Variants in SH3BP4 observed in about 807,000 individuals in gnomAD.
The protein encoded by SH3BP4 is SH3 domain binding protein 4.
SH3BP4 carries 33 observed loss-of-function variants against 65.5 expected under a neutral mutation model. The observed-to-expected ratio is 0.50, with a 90% CI of 0.38 to 0.67. SH3BP4 has a LOEUF of 0.67. Ranked by LOEUF, SH3BP4 falls within the 30% of genes least tolerant of loss-of-function variation. The pLI, the probability that SH3BP4 is intolerant of heterozygous loss-of-function variation, is 0.00. For synonymous variants in SH3BP4, 552 were observed against 545.5 expected (o/e 1.01, Z -0.17); for missense variants, 1,134 against 1,261.4 (o/e 0.90, Z 1.53).
Position 235,053,148 on chromosome 2 carries a change from G to A in SH3BP4, c.2667+398G>A, listed in dbSNP as rs112644556. Among the ~76,000 whole-genome samples, 443 of 152,264 alleles carry A rather than the reference G, an allele frequency of 2.9e-3. 1 individual carries two copies. Among genetic ancestry groups the A allele is most frequent in the Non-Finnish European group, 4.6e-3 (312 of 68,024 alleles). On this transcript the variant is annotated intron_variant, in intron 5 of 5. Coordinates refer to ENST00000392011, the MANE Select transcript of SH3BP4 (RefSeq NM_014521.3). ...AACTTGGGCCAAAGCCGGTGTGGCC[G>A]GGCTCTTGCTCAGAGGTCCTTTGTG...
At chr2:234,982,671 G>C (rs1693423930) in intron 1 of SH3BP4, among the ~76,000 whole-genome samples, 1 of 152,140 alleles carries the variant, frequency 6.6e-6, no homozygotes, top group Non-Finnish European at 1.5e-5. Flanking sequence ...GGCAGGGAGG[G>C]GACCAAGGAG....
At chr2:235,016,974 CAG>C (rs1325228251) in intron 2 of SH3BP4, among the ~76,000 whole-genome samples, 2 of 150,802 alleles carry the variant, frequency 1.3e-5, no homozygotes, top group African/African-American at 2.4e-5. Flanking sequence ...ACAGGGAACA[CAG>C]AGAAAATTAC....
At chr2:235,051,824 C>T (rs1420639819) in intron 4 of SH3BP4, among the ~76,000 whole-genome samples, 8 of 152,208 alleles carry the variant, frequency 5.3e-5, no homozygotes, top group Non-Finnish European at 8.8e-5. Flanking sequence ...GCTCGCCCTC[C>T]ATCCGTCTCG....
At chr2:234,980,960 C>G (rs947255424) in intron 1 of SH3BP4, among the ~76,000 whole-genome samples, 1 of 152,130 alleles carries the variant, frequency 6.6e-6, no homozygotes, top group Non-Finnish European at 1.5e-5. Context: ...CGCACAAGCT[C>G]TGCCCACTGC....
In SH3BP4 at chr2:235,030,751, C is replaced by T. The variant is rs888041238; in HGVS notation, c.-132-4120C>T. On this transcript the variant is annotated intron_variant, in intron 2 of 5. Transcript: ENST00000392011. This position sits in a 1 kb window ranked among gnomAD's most constrained non-coding sequence, Gnocchi z 4.1. Reference sequence around the variant, plus strand: ...GGGATGCTGGCTGCATTCTCCATCCCGTGCCAGCCCCCTGTAGATGCAGTG... The same window carrying T: ...GGGATGCTGGCTGCATTCTCCATCCTGTGCCAGCCCCCTGTAGATGCAGTG... Among the ~76,000 whole-genome samples, 5 of 152,124 alleles carry T rather than the reference C, an allele frequency of 3.3e-5. No individual in the cohort carries two copies. Among genetic ancestry groups the T allele is most frequent in the African/African-American group, 9.7e-5 (4 of 41,404 alleles).
chr2:234,986,204 C>T (rs1693556217), intron 1 of SH3BP4, among the ~76,000 whole-genome samples: 1 of 152,070 alleles, frequency 6.6e-6, no homozygotes, highest in Non-Finnish European at 1.5e-5. Flanking sequence ...CATGAGGAGG[C>T]CCAGTCATTC....
In SH3BP4 at chr2:234,992,137, T is replaced by C. The variant is rs551321770; in HGVS notation, c.-206-3166T>C. Among the ~76,000 whole-genome samples, 178 of 152,322 alleles carry C rather than the reference T, an allele frequency of 1.2e-3. 1 individual carries two copies. Among genetic ancestry groups the C allele is most frequent in the Non-Finnish European group, 2.2e-3 (147 of 68,034 alleles). On this transcript the variant is annotated intron_variant, in intron 1 of 5. Coordinates refer to ENST00000392011, the MANE Select transcript of SH3BP4 (RefSeq NM_014521.3). The stretch of plus-strand genomic sequence containing the variant: ...CTGAAAGCCACAGTGACGGAGGGTG[T>C]TGTCAGCGCAGCCTCTCTTTAAATA...
At chr2:235,053,079 T>A (rs1001013830) in intron 5 of SH3BP4, among the ~76,000 whole-genome samples, 3 of 152,228 alleles carry the variant, frequency 2.0e-5, no homozygotes, top group Non-Finnish European at 4.4e-5. Context: ...CACAGAGGAC[T>A]TTGTGAGCCG....
chr2:234,994,970 A>ATGCC (rs1314519074), intron 1 of SH3BP4: 1 of 152,272 alleles, frequency 6.6e-6, no homozygotes, highest in African/African-American at 2.4e-5. Flanking sequence ...GGTGAGGGGC[A>ATGCC]GGCTTTGTTA....
In SH3BP4 at chr2:235,042,322, C is replaced by T. The variant is rs140233310; in HGVS notation, c.1553C>T (p.Pro518Leu). ...EVTRQAPNPA[P>L]VALQLWGKHQ... is the part of the protein sequence containing the mutation. ...ACACGCCAGGCACCCAACCCTGCCC[C>T]GGTGGCCCTGCAGCTGTGGGGGAAG... The change falls in exon 4 of 6, where the codon CCG (proline) becomes CTG (leucine). Residue 518 changes from proline to leucine, a missense_variant. Transcript: ENST00000392011. The surrounding 1 kb of genome is among the most constrained non-coding windows in gnomAD (Gnocchi z 7.3). 51 of 1,614,050 alleles carry T rather than the reference C, an allele frequency of 3.2e-5. No individual in the cohort carries two copies. The highest frequency in any genetic ancestry group is 5.3e-5 in the African/African-American group (4 of 74,914).
rs1574837790 is a variant in SH3BP4, at chr2:235,034,896, C to G, written c.-107C>G. On this transcript the variant is annotated 5_prime_UTR_variant, in exon 3 of 6. Coordinates refer to ENST00000392011, the MANE Select transcript of SH3BP4 (RefSeq NM_014521.3). This position sits in a 1 kb window ranked among gnomAD's most constrained non-coding sequence, Gnocchi z 6.2. ...GAAGAAACATATTGCCGAGTGGATGCCGCCGCGCAGCGTGTTTGCTTGAGG... is the reference window on the plus strand; with the variant it reads ...GAAGAAACATATTGCCGAGTGGATGGCGCCGCGCAGCGTGTTTGCTTGAGG... 4 of 892,898 alleles carry G rather than the reference C, an allele frequency of 4.5e-6. No individual in the cohort carries two copies. The highest frequency in any genetic ancestry group is 1.7e-5 in the African/African-American group (1 of 60,016). The allele number at this position is 892,898 out of a possible 1,614,324, so 55.3% of individuals were successfully genotyped here. A position where few individuals can be genotyped will look rare whatever the true frequency, so the allele number is the denominator to read the frequency against.
At position 235,034,818 on chromosome 2, in the gene SH3BP4, G is replaced by C. The variant is rs1365714900; in HGVS notation, c.-132-53G>C. The C allele has an allele frequency of 1.2e-5, 7 of 585,696 alleles. No individual in the cohort carries two copies. The highest frequency in any genetic ancestry group is 2.1e-5 in the Non-Finnish European group (7 of 329,072). 36.3% of individuals were successfully genotyped at this position (585,696 alleles called of 1,614,324 possible). A position where few individuals can be genotyped will look rare whatever the true frequency, so the allele number is the denominator to read the frequency against. ...TCCCACTTCCCATAAAATTACCATT[G>C]AACCCATGTTTCGCTTGCTTAAGGG... is the stretch of plus-strand genomic sequence containing the variant. On this transcript the variant is annotated intron_variant, in intron 2 of 5. Coordinates refer to ENST00000392011, the MANE Select transcript of SH3BP4 (RefSeq NM_014521.3). The surrounding 1 kb of genome is among the most constrained non-coding windows in gnomAD (Gnocchi z 6.2).
chr2:234,960,169 A>G (rs187040778), intron 1 of SH3BP4, among the ~76,000 whole-genome samples: 1 of 152,354 alleles, frequency 6.6e-6, no homozygotes, highest in African/African-American at 2.4e-5. Flanking sequence ...ACTTACACAT[A>G]ATTCATGTAG....
In SH3BP4 at chr2:234,991,348, T is replaced by C. The variant is rs531693629; in HGVS notation, c.-206-3955T>C. Reference sequence around the variant, plus strand: ...CATCAGCTGAGACTGTCAACCATTGTTAAAACAGCTACTCAGATGGACAGA... The same window carrying C: ...CATCAGCTGAGACTGTCAACCATTGCTAAAACAGCTACTCAGATGGACAGA... On this transcript the variant is annotated intron_variant, in intron 1 of 5. Transcript: ENST00000392011. The surrounding 1 kb of genome is among the most constrained non-coding windows in gnomAD (Gnocchi z 4.2). Among the ~76,000 whole-genome samples the C allele has an allele frequency of 1.5e-4, 23 of 152,362 alleles. No homozygotes were observed. Among genetic ancestry groups the C allele is most frequent in the African/African-American group, 5.5e-4 (23 of 41,594 alleles).
chr2:234,966,236 G>T (rs1692833919), intron 1 of SH3BP4, among the ~76,000 whole-genome samples: 1 of 152,134 alleles, frequency 6.6e-6, no homozygotes, highest in South Asian at 2.1e-4. Context: ...AAATTAACCA[G>T]GCCTGGCCTG....
chr2:235,006,164 A>G (rs186378496), intron 2 of SH3BP4, among the ~76,000 whole-genome samples: 122 of 152,238 alleles, frequency 8.0e-4, no homozygotes, highest in Middle Eastern at 3.4e-3. Context: ...TTTACGACCT[A>G]GCGAGCAGGA....
At chr2:235,005,797 G>C (rs1018066026) in intron 2 of SH3BP4, among the ~76,000 whole-genome samples, 2 of 152,236 alleles carry the variant, frequency 1.3e-5, no homozygotes, top group African/African-American at 4.8e-5. Context: ...AACGAGAGGA[G>C]AGCCAGAGCA....
intron 2 of SH3BP4, among the ~76,000 whole-genome samples, chr2:235,003,581 G>T (rs559221351): frequency 6.6e-6 from 1 of 152,220 alleles, no homozygotes; most frequent in African/African-American, 2.4e-5. Context: ...GGTGGAGGGG[G>T]TCAAATCTTG....
intron 2 of SH3BP4, among the ~76,000 whole-genome samples, chr2:235,025,451 C>G (rs1443344585): frequency 6.6e-6 from 1 of 152,144 alleles, no homozygotes; most frequent in Non-Finnish European, 1.5e-5. Context: ...GTCCTGCTTT[C>G]CCTTGTGTAT....
Sources: gnomAD v4.1 joint callset for allele counts (sites outside exome capture counted in the v4.1 genomes callset) on GRCh38, gnomAD v4.1.1 for gene constraint, Gnocchi (gnomAD v3.1) non-coding constraint, MANE v1.5 for transcripts, NCBI Gene and HGNC (gene_info 2026-07-23, HGNC 2026-07-21) for gene names.